The following ZNF141 variants were observed in gnomAD, a reference collection of about 807,000 sequenced individuals.
ZNF141 encodes the protein zinc finger protein 141 (clone pHZ-44).
A neutral mutation model predicts 11.3 loss-of-function variants in ZNF141; 7 were observed. That is an observed-to-expected ratio of 0.62 (90% CI 0.35 to 1.16). The LOEUF (loss-of-function observed/expected upper bound fraction) is 1.16. ZNF141 is among the 50% of genes most tolerant of loss of function. ZNF141 has a pLI of 0.02. For missense variants in ZNF141, 535 were observed against 554.0 expected (o/e 0.97, Z 0.34); for synonymous variants, 183 against 190.7 (o/e 0.96, Z 0.33).
At position 373,523 on chromosome 4, in the gene ZNF141, T is replaced by C; in HGVS notation, c.1086T>C (p.Thr362=). 6.2e-7 allele frequency: 1 copy of C among 1,613,998 alleles called. No homozygotes were observed. Among genetic ancestry groups the C allele is most frequent in the Non-Finnish European group, 8.5e-7 (1 of 1,179,942 alleles). Residue 362 remains threonine, a synonymous_variant, in exon 4 of 4, where the codon ACT becomes ACC. Coordinates refer to ENST00000240499, the MANE Select transcript of ZNF141 (RefSeq NM_003441.4). ...TGAATGAACATAAGAAAGTTCATAC[T>C]GGAGAGCGGCCCTACAAATGTGATG... ...SKLNEHKKVH[T]GERPYKCDEC... is the part of the protein sequence containing the mutation.
intron 3 of ZNF141, among the ~76,000 whole-genome samples, chr4:371,129 T>C (rs1712036406): frequency 6.7e-6 from 1 of 148,840 alleles, no homozygotes; most frequent in Non-Finnish European, 1.5e-5. Context: ...TATATATATA[T>C]ATATATTTTA....
rs782317203 is a variant in ZNF141 at position 379,763 on chromosome 4, CATT to C, written c.*5905_*5907del. Among the ~76,000 whole-genome samples, 1 of 152,176 alleles carries C rather than the reference CATT, an allele frequency of 6.6e-6. No individual in the cohort carries two copies. The highest frequency in any genetic ancestry group is 2.4e-5 in the African/African-American group (1 of 41,432). ...TGACAAAGATACTCATCATTTGCAACATTATTCTGTAATTTTTAAAATATATTT... is the reference window on the plus strand; with the variant it reads ...TGACAAAGATACTCATCATTTGCAACATTCTGTAATTTTTAAAATATATTT... On this transcript the variant is annotated 3_prime_UTR_variant, in exon 4 of 4. Coordinates refer to ENST00000240499, the MANE Select transcript of ZNF141 (RefSeq NM_003441.4).
rs1470357685 is a variant in ZNF141, at chr4:376,036, G to T, written c.*2174G>T. Among the ~76,000 whole-genome samples the T allele has an allele frequency of 6.6e-6, 1 of 151,972 alleles. No homozygotes were observed. The highest frequency in any genetic ancestry group is 1.5e-5 in the Non-Finnish European group (1 of 67,892). On this transcript the variant is annotated 3_prime_UTR_variant, in exon 4 of 4. Coordinates refer to ENST00000240499, the MANE Select transcript of ZNF141 (RefSeq NM_003441.4). ...TACCAATTATACATTTATGTAATAAGATACAGTAAATTTTAAAATTATTTT... is the reference window on the plus strand; with the variant it reads ...TACCAATTATACATTTATGTAATAATATACAGTAAATTTTAAAATTATTTT...
chr4:371,788 C>A (rs1010385516), intron 3 of ZNF141, among the ~76,000 whole-genome samples: 4 of 151,988 alleles, frequency 2.6e-5, no homozygotes, highest in Non-Finnish European at 4.4e-5. Context: ...GATCCACCCG[C>A]CTCAGCCTCC....
At chr4:343,155 A>G (rs1299322993) in intron 1 of ZNF141, among the ~76,000 whole-genome samples, 3 of 152,210 alleles carry the variant, frequency 2.0e-5, no homozygotes, top group Non-Finnish European at 4.4e-5. Context: ...AGGGTGAAGC[A>G]TGAGGGCTTC....
rs1479057137 is a variant in ZNF141, at chr4:382,453, T to C, written c.*8591T>C. Reference sequence around the variant, plus strand: ...AGGAACAGTAATTTGACTTTGTCTATATTAAAAATCATAAATAGTCAACAA... The same window carrying C: ...AGGAACAGTAATTTGACTTTGTCTACATTAAAAATCATAAATAGTCAACAA... On this transcript the variant is annotated 3_prime_UTR_variant, in exon 4 of 4. Coordinates refer to ENST00000240499, the MANE Select transcript of ZNF141 (RefSeq NM_003441.4). Among the ~76,000 whole-genome samples the C allele has an allele frequency of 6.6e-6, 1 of 152,218 alleles. No homozygotes were observed.
rs1712522141 is a variant in ZNF141 at position 379,497 on chromosome 4, C to T, written c.*5635C>T. ...TCAGGCGATTCTCCTGCCTCAGCCT[C>T]CTTATTAGCTGGCATTACAGGTGTG... On this transcript the variant is annotated 3_prime_UTR_variant, in exon 4 of 4. Transcript: ENST00000240499. Among the ~76,000 whole-genome samples the T allele has an allele frequency of 6.6e-6, 1 of 152,220 alleles. No individual in the cohort carries two copies. Among genetic ancestry groups the T allele is most frequent in the African/African-American group, 2.4e-5 (1 of 41,462 alleles).
rs1430699056 is a variant in ZNF141, at chr4:384,042, C to G, written c.*10180C>G. 6.6e-6 allele frequency: 1 copy of G among 152,196 alleles called. No individual in the cohort carries two copies. Among genetic ancestry groups the G allele is most frequent in the South Asian group, 2.1e-4 (1 of 4,822 alleles). The allele number at this position is 152,196 out of a possible 1,614,324, so 9.4% of individuals were successfully genotyped here. A position where few individuals can be genotyped will look rare whatever the true frequency, so the allele number is the denominator to read the frequency against. On this transcript the variant is annotated 3_prime_UTR_variant, in exon 4 of 4. Transcript: ENST00000240499. ...TTGTTCGAAATGTCAAGGACCTGGA[C>G]AGTTCACACTCACGGCCTTCCTTCT...
intron 1 of ZNF141, among the ~76,000 whole-genome samples, chr4:340,765 A>G (rs1186049552): frequency 6.6e-6 from 1 of 152,254 alleles, no homozygotes; most frequent in Non-Finnish European, 1.5e-5. Context: ...ACAAGTGGAT[A>G]TAAATTAACC....
intron 3 of ZNF141, among the ~76,000 whole-genome samples, chr4:345,669 G>C (rs1333992497): frequency 1.4e-5 from 2 of 147,440 alleles, no homozygotes; most frequent in East Asian, 4.0e-4. Flanking sequence ...CGGAGGTTGC[G>C]GTTTGCCGAG....
At chr4:361,386 T>C (rs1205559397) in intron 3 of ZNF141, among the ~76,000 whole-genome samples, 1 of 143,704 alleles carries the variant, frequency 7.0e-6, no homozygotes, top group Non-Finnish European at 1.6e-5. Flanking sequence ...AATATCTTTC[T>C]GTTTTTTTTT....
At chr4:368,983 A>G (rs1270756870) in intron 3 of ZNF141, among the ~76,000 whole-genome samples, 3 of 152,200 alleles carry the variant, frequency 2.0e-5, no homozygotes, top group Non-Finnish European at 2.9e-5. Flanking sequence ...TTTTTAGGCA[A>G]AATTGTTTTA....
In ZNF141 at chr4:381,731, A is replaced by G. The variant is rs1712627994; in HGVS notation, c.*7869A>G. Among the ~76,000 whole-genome samples the G allele has an allele frequency of 1.3e-5, 2 of 151,704 alleles. No homozygotes were observed. The highest frequency in any genetic ancestry group is 2.1e-4 in the South Asian group (1 of 4,816). ...CAAATATGCTTTCTTAGTACTCCAC[A>G]TTTATGCAGCCATCTGGGAAGAAAG... On this transcript the variant is annotated 3_prime_UTR_variant, in exon 4 of 4. Coordinates refer to ENST00000240499, the MANE Select transcript of ZNF141 (RefSeq NM_003441.4).
At chr4:343,685 G>A (rs2352932) in intron 1 of ZNF141, 97 bp from the exon 2 acceptor site, 475,776 of 1,254,634 alleles carry the variant, frequency 0.38, 94,229 homozygotes, top group African/African-American at 0.57. Context: ...AGACTGCGCC[G>A]CTGCACTCCA....
chr4:376,809 C>G lies in ZNF141; in HGVS notation c.*2947C>G, dbSNP rs1560201997. On this transcript the variant is annotated 3_prime_UTR_variant, in exon 4 of 4. Coordinates refer to ENST00000240499, the MANE Select transcript of ZNF141 (RefSeq NM_003441.4). ...GATAATTTACTGGAAATCTAGAAGCCTGAAACATTCTATATTTTCTTCTTT... is the reference window on the plus strand; with the variant it reads ...GATAATTTACTGGAAATCTAGAAGCGTGAAACATTCTATATTTTCTTCTTT... 1.3e-5 allele frequency among the ~76,000 whole-genome samples: 2 copies of G among 152,088 alleles called. No homozygotes were observed. The highest frequency in any genetic ancestry group is 4.2e-4 in the South Asian group (2 of 4,818).
intron 1 of ZNF141, among the ~76,000 whole-genome samples, chr4:339,793 C>T (rs1308619710): frequency 6.6e-6 from 1 of 152,148 alleles, no homozygotes; most frequent in Non-Finnish European, 1.5e-5. Flanking sequence ...TAACCTATTC[C>T]GCAATTTCTG....
chr4:349,170 AT>A (rs530751096), intron 3 of ZNF141, among the ~76,000 whole-genome samples: 43 of 151,954 alleles, frequency 2.8e-4, no homozygotes, highest in Non-Finnish European at 5.4e-4. Context: ...GCAGTGGCTC[AT>A]TTCTGTGATC....
At chr4:359,579 C>G (rs1428381174) in intron 3 of ZNF141, among the ~76,000 whole-genome samples, 1 of 152,142 alleles carries the variant, frequency 6.6e-6, no homozygotes, top group African/African-American at 2.4e-5. Flanking sequence ...GGCAGGACTT[C>G]TCCCTGCCTC....
chr4:373,123 G>T lies in ZNF141; in HGVS notation c.686G>T (p.Cys229Phe). Residue 229 changes from cysteine to phenylalanine, a missense_variant, in exon 4 of 4, where the codon TGT (cysteine) becomes TTT (phenylalanine). Cys to Phe is a radical substitution (Grantham distance 205). Coordinates refer to ENST00000240499, the MANE Select transcript of ZNF141 (RefSeq NM_003441.4). Reference protein sequence around the residue: ...RIHTGEKPFTCEECGSIFTTS... With the variant: ...RIHTGEKPFTFEECGSIFTTS... The stretch of plus-strand genomic sequence containing the variant: ...CATACTGGAGAGAAACCTTTTACTT[G>T]TGAAGAATGTGGCAGCATCTTTACC... 6.2e-7 allele frequency: 1 copy of T among 1,613,948 alleles called. No individual in the cohort carries two copies. Among genetic ancestry groups the T allele is most frequent in the Non-Finnish European group, 8.5e-7 (1 of 1,180,002 alleles).
Sources: gnomAD v4.1 joint callset for allele counts (sites outside exome capture counted in the v4.1 genomes callset) on GRCh38, gnomAD v4.1.1 for gene constraint, MANE v1.5 for transcripts, NCBI Gene and HGNC (gene_info 2026-07-23, HGNC 2026-07-21) for gene names.